The following COL21A1 variants were observed in gnomAD, a reference collection of about 807,000 sequenced individuals.
COL21A1 encodes the protein collagen type XXI alpha 1 chain.
Under a neutral mutation model 137.9 loss-of-function variants are expected in COL21A1, and 149 were observed. The observed-to-expected ratio is 1.08, with a 90% CI of 0.95 to 1.24. COL21A1 has a LOEUF of 1.24. Ranked by LOEUF, COL21A1 falls within the 50% of genes most tolerant of loss-of-function variation. The pLI is 0.00. For missense variants in COL21A1, 1,167 were observed against 1,158.4 expected (o/e 1.01, Z -0.11); for synonymous variants, 456 against 391.5 (o/e 1.16, Z -1.95).
intron 1 of COL21A1, among the ~76,000 whole-genome samples, chr6:56,201,623 G>A (rs9475618): frequency 0.013 from 2,047 of 151,948 alleles, 47 homozygotes; most frequent in African/African-American, 0.046. Context: ...GTAGATATGC[G>A]GCATTTAAAA....
At chr6:56,200,592 T>C (rs1779320686) in intron 1 of COL21A1, among the ~76,000 whole-genome samples, 1 of 151,742 alleles carries the variant, frequency 6.6e-6, no homozygotes, top group South Asian at 2.1e-4. Context: ...CTGAGAATGA[T>C]GGTTTCCAGC....
chr6:56,254,533 A>T (rs529183447), intron 1 of COL21A1, among the ~76,000 whole-genome samples: 2 of 152,226 alleles, frequency 1.3e-5, no homozygotes, highest in Non-Finnish European at 2.9e-5. Context: ...ACAGGCTGGG[A>T]TCAATAACAG....
chr6:56,157,007 C>A, intron 9 of COL21A1, 58 bp from the exon 10 acceptor site: 1 of 1,211,148 alleles, frequency 8.3e-7, no homozygotes, highest in South Asian at 1.3e-5. Context: ...TTGGTGCAGT[C>A]AGGATCAATA....
rs894963285 is a variant in COL21A1, at chr6:56,375,367, A to G, written c.-39+18604T>C. ...TCAGCTCCTTGTCCACTCGCTTCCA[A>G]TTGAGTTCAGCCAGTGGTAGGCACC... On this transcript the variant is annotated intron_variant, in intron 1 of 28. Transcript: ENST00000370819. Among the ~76,000 whole-genome samples, 3 of 152,112 alleles carry G rather than the reference A, an allele frequency of 2.0e-5. No individual in the cohort carries two copies. The South Asian group carries it at 6.2e-4, about 32-fold the overall frequency.
intron 16 of COL21A1, among the ~76,000 whole-genome samples, chr6:56,123,719 G>A (rs574440292): frequency 7.0e-4 from 107 of 152,138 alleles, no homozygotes; most frequent in Non-Finnish European, 1.2e-3. Flanking sequence ...TAAAGAAGCC[G>A]GGGTTAAGAA....
chr6:56,291,016 C>T (rs914368925), intron 1 of COL21A1, among the ~76,000 whole-genome samples: 1 of 152,048 alleles, frequency 6.6e-6, no homozygotes, highest in Admixed American at 6.6e-5. Context: ...AGCGACTGGG[C>T]ATTACCCGGG....
At chr6:56,135,534 G>C (rs1044655581) in intron 12 of COL21A1, among the ~76,000 whole-genome samples, 2 of 151,920 alleles carry the variant, frequency 1.3e-5, no homozygotes, top group Non-Finnish European at 2.9e-5. Flanking sequence ...AACTCAATAA[G>C]CAATTTAAAT....
intron 1 of COL21A1, among the ~76,000 whole-genome samples, chr6:56,375,955 C>T (rs1198287299): frequency 6.6e-6 from 1 of 152,102 alleles, no homozygotes; most frequent in Admixed American, 6.5e-5. Flanking sequence ...TAGTGCTTAA[C>T]ATGTTGGAAG....
rs187208549 is a variant in COL21A1 at position 56,259,123 on chromosome 6, T to A, written c.-38-76467A>T. On this transcript the variant is annotated intron_variant, in intron 1 of 28. Coordinates refer to the COL21A1 transcript ENST00000370819. Reference sequence around the variant, plus strand: ...GGAACACTCTTGGACATACCCTGACTTGGCCAGTAGAAGAGCTGATTTGGG... The same window carrying A: ...GGAACACTCTTGGACATACCCTGACATGGCCAGTAGAAGAGCTGATTTGGG... Among the ~76,000 whole-genome samples, 40 of 152,290 alleles carry A rather than the reference T, an allele frequency of 2.6e-4. No homozygotes were observed. The East Asian group carries it at 7.0e-3, about 26-fold the overall frequency.
intron 1 of COL21A1, among the ~76,000 whole-genome samples, chr6:56,288,241 T>TA (rs35871012): frequency 0.22 from 24,620 of 109,918 alleles, 3,446 homozygotes; most frequent in East Asian, 0.63. Context: ...TATTACATTT[T>TA]AAAAAAATAA....
chr6:56,389,133 C>T (rs575163234), intron 1 of COL21A1, among the ~76,000 whole-genome samples: 1 of 152,212 alleles, frequency 6.6e-6, no homozygotes, highest in Non-Finnish European at 1.5e-5. Context: ...GAGGCTGAGG[C>T]AGTGGATCAT....
intron 1 of COL21A1, among the ~76,000 whole-genome samples, chr6:56,264,234 G>T (rs1041407917): frequency 1.3e-5 from 2 of 152,024 alleles, no homozygotes; most frequent in East Asian, 1.9e-4. Context: ...TTCATAACAC[G>T]TCCATTCCCA....
intron 1 of COL21A1, among the ~76,000 whole-genome samples, chr6:56,280,939 A>G (rs1240757202): frequency 6.6e-6 from 1 of 152,210 alleles, no homozygotes; most frequent in Non-Finnish European, 1.5e-5. Flanking sequence ...TGAGAGGTTA[A>G]GCCTGCAGTG....
intron 1 of COL21A1, among the ~76,000 whole-genome samples, chr6:56,197,953 A>T (rs1270991461): frequency 2.6e-5 from 4 of 152,090 alleles, no homozygotes; most frequent in African/African-American, 7.2e-5. Context: ...GAAACAACCT[A>T]AGTGTTCATC....
intron 16 of COL21A1, among the ~76,000 whole-genome samples, chr6:56,121,510 GTGTA>G (rs1230042315): frequency 3.5e-5 from 4 of 115,332 alleles, no homozygotes; most frequent in African/African-American, 1.0e-4. Context: ...ATATTCATAT[GTGTA>G]TATATATATA....
chr6:56,066,731 T>C (rs1362022608), intron 23 of COL21A1, among the ~76,000 whole-genome samples: 1 of 151,868 alleles, frequency 6.6e-6, no homozygotes, highest in East Asian at 1.9e-4. Flanking sequence ...GAAACTATCC[T>C]TGTCTCCTGA....
rs961218658 is a variant in COL21A1 at position 56,226,476 on chromosome 6, T to C, written c.-39+20911A>G. Among the ~76,000 whole-genome samples, 43 of 152,044 alleles carry C rather than the reference T, an allele frequency of 2.8e-4. 1 individual carries two copies. Among genetic ancestry groups the C allele is most frequent in the Admixed American group, 6.6e-5 (1 of 15,206 alleles). ...TTAAAAGCTTTATATATTATATCAA[T>C]ATAAAATAAACCAGTTCCTCCATTA... On this transcript the variant is annotated intron_variant, in intron 1 of 29. Transcript: ENST00000244728.
intron 1 of COL21A1, among the ~76,000 whole-genome samples, chr6:56,378,832 A>T (rs967459556): frequency 2.6e-5 from 4 of 152,214 alleles, no homozygotes; most frequent in African/African-American, 9.6e-5. Context: ...TGGTGGCCAC[A>T]GGAGTGCTTG....
chr6:56,179,888 T>A lies in COL21A1; in HGVS notation c.330A>T (p.Leu110Phe). The change falls in exon 3 of 30, where the codon TTA becomes TTT. Residue 110 changes from leucine to phenylalanine, a missense_variant. Physicochemically the swap from Leu to Phe is conservative, Grantham distance 22 (BLOSUM62 0). Coordinates refer to ENST00000244728, the MANE Select transcript of COL21A1 (RefSeq NM_030820.4). ...LTAAVESILY[L>F]GGNTKTGKAI... The stretch of plus-strand genomic sequence containing the variant: ...CCTTCCCTGTCTTTGTGTTTCCTCC[T>A]AAGTAGAGTATGGATTCCACTGCTG... 2 of 1,613,958 alleles carry A rather than the reference T, an allele frequency of 1.2e-6. No homozygotes were observed. The highest frequency in any genetic ancestry group is 1.6e-4 in the Middle Eastern group (1 of 6,062).
Sources: allele counts gnomAD v4.1 joint callset (sites outside exome capture counted in the v4.1 genomes callset), GRCh38; gene constraint gnomAD v4.1.1; transcripts MANE v1.5; gene names NCBI Gene and HGNC (gene_info 2026-07-23, HGNC 2026-07-21).